Variants in AFG2A observed in about 807,000 individuals in gnomAD.
The protein encoded by AFG2A is AAA ATPase AFG2A, also known as ATPase family gene 2 protein homolog A.
the AFG2A span, among the ~76,000 whole-genome samples, chr4:122,961,875 T>C: frequency 1.3e-4 from 20 of 152,292 alleles, no homozygotes; most frequent in Admixed American, 4.6e-4. Flanking sequence ...AGAGCAACAG[T>C]AGTAGGAATA....
At chr4:123,163,914 A>G in the AFG2A span, among the ~76,000 whole-genome samples, 1 of 152,210 alleles carries the variant, frequency 6.6e-6, no homozygotes, top group Non-Finnish European at 1.5e-5. Flanking sequence ...AAAGCCCTAC[A>G]TCTTTCAAGA....
At chr4:123,301,873 G>T in the AFG2A span, among the ~76,000 whole-genome samples, 9 of 152,096 alleles carry the variant, frequency 5.9e-5, no homozygotes, top group Non-Finnish European at 1.3e-4. Context: ...TGAAAGACAC[G>T]CATTACAGAT....
the AFG2A span, among the ~76,000 whole-genome samples, chr4:123,303,975 C>T: frequency 6.6e-6 from 1 of 151,340 alleles, no homozygotes; most frequent in Admixed American, 6.6e-5. Flanking sequence ...GAATTTAGCC[C>T]AAGAGCAAAA....
At chr4:123,268,063 GACAC>G in the AFG2A span, among the ~76,000 whole-genome samples, 1 of 152,090 alleles carries the variant, frequency 6.6e-6, no homozygotes, top group South Asian at 2.1e-4. Context: ...TATATTAATA[GACAC>G]ACACAGTTTC....
At chr4:122,990,006 G>A in the AFG2A span, among the ~76,000 whole-genome samples, 5 of 152,040 alleles carry the variant, frequency 3.3e-5, no homozygotes, top group Admixed American at 1.3e-4. Context: ...ACAGGTGTAC[G>A]CCACCACACC....
the AFG2A span, among the ~76,000 whole-genome samples, chr4:122,959,372 C>T: frequency 6.6e-6 from 1 of 152,002 alleles, no homozygotes; most frequent in South Asian, 2.1e-4. Context: ...CCGAATAAAA[C>T]TTTAAAAGTG....
chr4:123,129,658 T>G, the AFG2A span, among the ~76,000 whole-genome samples: 1 of 152,158 alleles, frequency 6.6e-6, no homozygotes, highest in Non-Finnish European at 1.5e-5. Context: ...TTGACTCCTT[T>G]ACATATTTAT....
chr4:123,240,183 T>C, the AFG2A span, among the ~76,000 whole-genome samples: 2 of 152,090 alleles, frequency 1.3e-5, no homozygotes, highest in East Asian at 1.9e-4. Context: ...TAAAGCAATC[T>C]GGGAGACTTT....
the AFG2A span, among the ~76,000 whole-genome samples, chr4:123,100,565 T>C: frequency 1.3e-5 from 2 of 152,016 alleles, no homozygotes; most frequent in African/African-American, 4.8e-5. Flanking sequence ...ATATATTGAT[T>C]GGTTGTGTTC....
the AFG2A span, among the ~76,000 whole-genome samples, chr4:122,966,192 A>C: frequency 6.6e-6 from 1 of 152,198 alleles, no homozygotes; most frequent in Non-Finnish European, 1.5e-5. Context: ...GTTTATATAG[A>C]GTCCAGAATC....
the AFG2A span, among the ~76,000 whole-genome samples, chr4:123,176,774 G>A: frequency 6.6e-5 from 10 of 152,270 alleles, no homozygotes; most frequent in South Asian, 2.1e-3. Flanking sequence ...CAGAAAAGTG[G>A]TAAGGGAAAG....
At chr4:122,945,995 A>G in the AFG2A span, among the ~76,000 whole-genome samples, 1 of 151,300 alleles carries the variant, frequency 6.6e-6, no homozygotes, top group African/African-American at 2.5e-5. Context: ...TTCATGTCCC[A>G]GGTTGATTCT....
chr4:123,073,762 A>C, the AFG2A span, among the ~76,000 whole-genome samples: 5 of 152,298 alleles, frequency 3.3e-5, no homozygotes, highest in Middle Eastern at 3.4e-3. Context: ...AGAATCTAAA[A>C]CATTTAGATG....
At chr4:123,306,684 T>C in the AFG2A span, among the ~76,000 whole-genome samples, 1 of 152,130 alleles carries the variant, frequency 6.6e-6, no homozygotes, top group Admixed American at 6.5e-5. Flanking sequence ...GCCTCCCAAG[T>C]AGCTGGGATT....
At chr4:123,024,604 A>G in the AFG2A span, among the ~76,000 whole-genome samples, 1 of 152,240 alleles carries the variant, frequency 6.6e-6, no homozygotes, top group Non-Finnish European at 1.5e-5. Flanking sequence ...TAAGTAATCA[A>G]AGGAAGGACC....
the AFG2A span, among the ~76,000 whole-genome samples, chr4:123,239,137 A>T: frequency 1.3e-5 from 2 of 152,200 alleles, no homozygotes; most frequent in African/African-American, 2.4e-5. Context: ...AGTTTAGAGA[A>T]AAAAGAGTAA....
the AFG2A span, chr4:122,927,513 A>G: frequency 3.1e-6 from 3 of 957,310 alleles, no homozygotes; most frequent in East Asian, 2.7e-5. Context: ...TAGTTTCTCC[A>G]GGGTATGGTA....
At chr4:123,032,065 A>G in the AFG2A span, among the ~76,000 whole-genome samples, 4 of 152,314 alleles carry the variant, frequency 2.6e-5, no homozygotes, top group Non-Finnish European at 5.9e-5. Flanking sequence ...GCATTGCTTT[A>G]CTATATGAAG....
the AFG2A span, among the ~76,000 whole-genome samples, chr4:123,159,881 T>G: frequency 6.6e-6 from 1 of 152,196 alleles, no homozygotes; most frequent in African/African-American, 2.4e-5. Flanking sequence ...ATGAAGTGAT[T>G]AAATGCCAGC....
Sources: allele counts gnomAD v4.1 joint callset (sites outside exome capture counted in the v4.1 genomes callset), GRCh38; gene constraint gnomAD v4.1.1; transcripts MANE v1.5; gene names NCBI Gene and HGNC (gene_info 2026-07-23, HGNC 2026-07-21).